Variants in GALC observed in about 807,000 individuals in gnomAD.
GALC encodes galactocerebrosidase.
GALC carries 77 observed loss-of-function variants against 91.8 expected under a neutral mutation model. The ratio of observed to expected loss-of-function variants is 0.84; its 90% CI spans 0.70 to 1.01. The LOEUF is 1.01. Among genes scored for constraint, GALC ranks in the 50% least tolerant of loss-of-function variants. The pLI is 0.00. For missense variants in GALC, 882 were observed against 855.9 expected, an observed-to-expected ratio of 1.03 and a Z score of -0.38; for synonymous variants, 357 against 306.7, an observed-to-expected ratio of 1.16 and a Z score of -1.71.
At chr14:87,992,021 C>A (rs914487442) in intron 1 of GALC, among the ~76,000 whole-genome samples, 2 of 152,162 alleles carry the variant, frequency 1.3e-5, no homozygotes, top group Admixed American at 1.3e-4. Context: ...ATCAGCACGG[C>A]TGGAGAGATT....
chr14:87,944,788 C>T (rs1339377342), intron 14 of GALC, among the ~76,000 whole-genome samples: 1 of 152,018 alleles, frequency 6.6e-6, no homozygotes, highest in African/African-American at 2.4e-5. Flanking sequence ...TTTCAGAATT[C>T]TTTTCTCTTC....
intron 16 of GALC, among the ~76,000 whole-genome samples, chr14:87,937,247 C>T (rs965993722): frequency 2.0e-5 from 3 of 146,842 alleles, no homozygotes; most frequent in Non-Finnish European, 4.5e-5. Flanking sequence ...TTAAGATGAA[C>T]AAGAAAGACA....
chr14:87,950,764 C>G lies in GALC; in HGVS notation c.1162-16G>C, dbSNP rs1431758702. ...GTTTATGACTCTGAAAAAAAAAAAT[C>G]ACATACATTATCCAAATGATGTATA... On this transcript the variant is annotated splice_polypyrimidine_tract_variant and intron_variant, in intron 10 of 16. Coordinates refer to ENST00000261304, the MANE Select transcript of GALC (RefSeq NM_000153.4). 5 of 1,528,052 alleles carry G rather than the reference C, an allele frequency of 3.3e-6. No homozygotes were observed. Among genetic ancestry groups the G allele is most frequent in the Non-Finnish European group, 4.5e-6 (5 of 1,106,122 alleles). 94.7% of individuals were successfully genotyped at this position (1,528,052 alleles called of 1,614,324 possible).
intron 12 of GALC, among the ~76,000 whole-genome samples, chr14:87,948,644 G>C (rs2139958537): frequency 6.6e-6 from 1 of 150,550 alleles, no homozygotes; most frequent in South Asian, 2.1e-4. Flanking sequence ...TATTATCCTT[G>C]TTTTAATGGT....
intron 6 of GALC, among the ~76,000 whole-genome samples, chr14:87,979,910 CT>C (rs1264325794): frequency 6.6e-6 from 1 of 152,130 alleles, no homozygotes; most frequent in African/African-American, 2.4e-5. Context: ...CTTACAATCC[CT>C]GTGCTCCAAT....
chr14:87,965,472 A>G, intron 9 of GALC, 33 bp downstream of exon 9: 2 of 1,610,908 alleles, frequency 1.2e-6, no homozygotes, highest in Non-Finnish European at 1.7e-6. Flanking sequence ...TTAGAGAAGA[A>G]TTTAGGGAGT....
intron 11 of GALC, among the ~76,000 whole-genome samples, chr14:87,950,255 T>C (rs561095866): frequency 2.0e-5 from 3 of 152,138 alleles, no homozygotes; most frequent in African/African-American, 7.2e-5. Flanking sequence ...TCTTATGCCA[T>C]TAGTAATCAG....
intron 12 of GALC, among the ~76,000 whole-genome samples, chr14:87,949,085 A>G (rs953787718): frequency 1.7e-4 from 26 of 151,978 alleles, no homozygotes; most frequent in African/African-American, 6.3e-4. Context: ...CCCTAGGTGA[A>G]TATGAGCTAA....
At chr14:87,953,904 G>C in intron 10 of GALC, 1 of 1,610,236 alleles carries the variant, frequency 6.2e-7, no homozygotes, top group Non-Finnish European at 8.5e-7. Flanking sequence ...AGTGCCTTTA[G>C]CAACAGTTAC....
At chr14:87,949,563 T>A (rs575862256) in intron 12 of GALC, among the ~76,000 whole-genome samples, 1 of 151,614 alleles carries the variant, frequency 6.6e-6, no homozygotes, top group African/African-American at 2.4e-5. Flanking sequence ...AAGGAGTGAG[T>A]AAGAGAAATG....
At chr14:87,956,273 GGAA>G (rs1331189462) in intron 10 of GALC, among the ~76,000 whole-genome samples, 2 of 151,948 alleles carry the variant, frequency 1.3e-5, no homozygotes, top group Non-Finnish European at 1.5e-5. Context: ...TGTGTGGAGG[GGAA>G]GAAGGAGGGA....
chr14:87,969,869 T>C (rs1886213058), intron 7 of GALC, among the ~76,000 whole-genome samples: 1 of 152,136 alleles, frequency 6.6e-6, no homozygotes, highest in Non-Finnish European at 1.5e-5. Context: ...ATACAATATA[T>C]ACTGGAGAAC....
intron 4 of GALC, among the ~76,000 whole-genome samples, chr14:87,984,759 T>C (rs1436874069): frequency 2.0e-5 from 3 of 152,204 alleles, no homozygotes; most frequent in Non-Finnish European, 4.4e-5. Context: ...TAATTTCAAA[T>C]GTTCTTTCCA....
Position 87,941,371 on chromosome 14 carries a change from T to TAAA in GALC, c.1834+23_1834+24insTTT, listed in dbSNP as rs540937002. On this transcript the variant is annotated intron_variant, in intron 15 of 16. Coordinates refer to ENST00000261304, the MANE Select transcript of GALC (RefSeq NM_000153.4). ...AACATAGCCCATAAGTCATATGCTATTAAAAAAAAAAAAAGTCAGTTACCT... is the reference window on the plus strand; with the variant it reads ...AACATAGCCCATAAGTCATATGCTATAAATAAAAAAAAAAAAAGTCAGTTACCT... 7.5e-6 allele frequency: 10 copies of TAAA among 1,327,674 alleles called. No individual in the cohort carries two copies. In the African/African-American group the frequency reaches 1.3e-4, roughly 18 times the overall value. The allele number at this position is 1,327,674 out of a possible 1,614,324, so 82.2% of individuals were successfully genotyped here.
chr14:87,941,646 A>C, intron 14 of GALC, 88 bp from the exon 15 acceptor site: 4 of 946,318 alleles, frequency 4.2e-6, no homozygotes, highest in Non-Finnish European at 5.2e-6. Flanking sequence ...ACATGCTTCC[A>C]AACTTCTAAT....
chr14:87,969,611 C>T (rs781224075), intron 7 of GALC, among the ~76,000 whole-genome samples: 1 of 152,090 alleles, frequency 6.6e-6, no homozygotes, highest in African/African-American at 2.4e-5. Context: ...TTACAAAAAA[C>T]AATGCAAGCA....
At chr14:87,940,820 G>A (rs1395956232) in intron 15 of GALC, among the ~76,000 whole-genome samples, 1 of 151,894 alleles carries the variant, frequency 6.6e-6, no homozygotes, top group East Asian at 1.9e-4. Context: ...AAGGAGTGGT[G>A]TGTATCAAAA....
intron 7 of GALC, among the ~76,000 whole-genome samples, chr14:87,972,157 G>A (rs1886318079): frequency 1.4e-5 from 2 of 147,490 alleles, no homozygotes; most frequent in African/African-American, 2.5e-5. Flanking sequence ...ATAATACACA[G>A]ATAAGTTGTG....
intron 10 of GALC, chr14:87,953,268 T>G: frequency 6.7e-7 from 1 of 1,495,684 alleles, no homozygotes; most frequent in Non-Finnish European, 9.3e-7. Flanking sequence ...AAAAGAAAGA[T>G]AAAGGGCGGA....
Sources: gnomAD v4.1 joint callset for allele counts (sites outside exome capture counted in the v4.1 genomes callset) on GRCh38, gnomAD v4.1.1 for gene constraint, MANE v1.5 for transcripts, NCBI Gene and HGNC (gene_info 2026-07-23, HGNC 2026-07-21) for gene names.